ZC3H3: variants seen among roughly 807,000 people sequenced by gnomAD.
ZC3H3 encodes the protein zinc finger CCCH-type containing 3.
Under a neutral mutation model 77.3 loss-of-function variants are expected in ZC3H3, and 36 were observed. That is an observed-to-expected ratio of 0.47 (90% CI 0.36 to 0.61). The LOEUF is 0.61. Among genes scored for constraint, ZC3H3 ranks in the 20% least tolerant of loss-of-function variants. ZC3H3 has a pLI of 0.00. For synonymous variants in ZC3H3, 626 were observed against 555.2 expected (o/e 1.13, Z -1.79); for missense variants, 1,331 against 1,312.2 (o/e 1.01, Z -0.22).
intron 3 of ZC3H3, among the ~76,000 whole-genome samples, chr8:143,509,565 G>A (rs1322193826): frequency 6.6e-6 from 1 of 152,226 alleles, no homozygotes; most frequent in African/African-American, 2.4e-5. Flanking sequence ...CCAGCCTGCA[G>A]CCTGCTTCCC....
intron 8 of ZC3H3, among the ~76,000 whole-genome samples, chr8:143,467,447 C>G (rs923326): frequency 0.38 from 58,382 of 152,106 alleles, 11,422 homozygotes; most frequent in Middle Eastern, 0.44. Context: ...TTCCAAATTG[C>G]TCACAACAGA....
intron 3 of ZC3H3, among the ~76,000 whole-genome samples, chr8:143,511,806 G>A (rs949869205): frequency 1.3e-5 from 2 of 152,226 alleles, no homozygotes; most frequent in Non-Finnish European, 2.9e-5. Context: ...CGGGCCCAGC[G>A]CAAAGACAGC....
At chr8:143,465,639 C>T (rs968487206) in intron 9 of ZC3H3, 78 bp downstream of exon 9, 17 of 1,575,854 alleles carry the variant, frequency 1.1e-5, no homozygotes, top group African/African-American at 9.4e-5. Flanking sequence ...CCAGCCACCA[C>T]GGCAGGTACC....
At chr8:143,449,865 A>G (rs1314850757) in intron 9 of ZC3H3, among the ~76,000 whole-genome samples, 1 of 152,248 alleles carries the variant, frequency 6.6e-6, no homozygotes, top group Non-Finnish European at 1.5e-5. Flanking sequence ...TTGCTAGCAC[A>G]TAACAAAAGT....
At chr8:143,527,161 A>G (rs1236106801) in intron 3 of ZC3H3, among the ~76,000 whole-genome samples, 1 of 152,088 alleles carries the variant, frequency 6.6e-6, no homozygotes, top group Non-Finnish European at 1.5e-5. Flanking sequence ...GCACCCCAAC[A>G]CCCACTGCCT....
chr8:143,443,082 G>A (rs1819787289), intron 9 of ZC3H3, among the ~76,000 whole-genome samples: 1 of 152,074 alleles, frequency 6.6e-6, no homozygotes, highest in Non-Finnish European at 1.5e-5. Flanking sequence ...GAGCAGGCCT[G>A]ACCAACATGG....
At chr8:143,515,941 C>G (rs1296294628) in intron 3 of ZC3H3, among the ~76,000 whole-genome samples, 1 of 152,236 alleles carries the variant, frequency 6.6e-6, no homozygotes, top group African/African-American at 2.4e-5. Context: ...AGGGGTTACC[C>G]ACACTCAGCA....
intron 4 of ZC3H3, among the ~76,000 whole-genome samples, chr8:143,485,101 T>C (rs1821016372): frequency 6.6e-6 from 1 of 152,038 alleles, no homozygotes; most frequent in Non-Finnish European, 1.5e-5. Context: ...CCAGAAACAC[T>C]CTCAAATAAC....
At chr8:143,528,126 A>G (rs1340736995) in intron 3 of ZC3H3, among the ~76,000 whole-genome samples, 1 of 152,054 alleles carries the variant, frequency 6.6e-6, no homozygotes, top group Non-Finnish European at 1.5e-5. Flanking sequence ...ACCCTCCCCC[A>G]CTGCCAAGAC....
chr8:143,538,453 T>C lies in ZC3H3; in HGVS notation c.914A>G (p.Lys305Arg). The change falls in exon 2 of 12, where the codon AAG becomes AGG. Residue 305 changes from lysine to arginine, a missense_variant. Around this residue, in one of 3 missense-constraint regions of ZC3H3, gnomAD observed 978 missense variants for 915.5 expected, o/e 1.07. Transcript: ENST00000262577. ...CCATTTGTAGTTGTTTTTCCGGAAC[T>C]TGTTAGTTCGACAGGTCACAACCAG... is the stretch of plus-strand genomic sequence containing the variant. ...ASLVVTCRTN[K>R]FRKNNYKWVA... is the part of the protein sequence containing the mutation. The C allele has an allele frequency of 1.9e-6, 3 of 1,613,176 alleles. No individual in the cohort carries two copies. The highest frequency in any genetic ancestry group is 2.2e-5 in the East Asian group (1 of 44,886).
intron 4 of ZC3H3, among the ~76,000 whole-genome samples, chr8:143,490,550 C>G (rs1563857367): frequency 1.3e-5 from 2 of 152,234 alleles, no homozygotes; most frequent in East Asian, 3.8e-4. Flanking sequence ...GATACTCAGC[C>G]CAGCCTTGAG....
chr8:143,466,270 G>A (rs185382237), intron 8 of ZC3H3, among the ~76,000 whole-genome samples: 217 of 152,316 alleles, frequency 1.4e-3, no homozygotes, highest in African/African-American at 5.0e-3. Flanking sequence ...ACGAGCCACG[G>A]GCCAGCAGCC....
At chr8:143,541,263 C>T in intron 1 of ZC3H3, 113 bp downstream of exon 1, 1 of 1,557,292 alleles carries the variant, frequency 6.4e-7, no homozygotes, top group Non-Finnish European at 8.7e-7. Context: ...CCACCCCAGC[C>T]GCCACCCAGA....
intron 9 of ZC3H3, among the ~76,000 whole-genome samples, chr8:143,453,227 G>A (rs997704255): frequency 2.0e-5 from 3 of 152,162 alleles, no homozygotes; most frequent in Non-Finnish European, 4.4e-5. Context: ...ACAGGCGCAT[G>A]CCACCATGTG....
chr8:143,486,148 C>T (rs532933284), intron 4 of ZC3H3, among the ~76,000 whole-genome samples: 150 of 152,392 alleles, frequency 9.8e-4, no homozygotes, highest in Admixed American at 2.4e-3. Context: ...GATACCCACC[C>T]ATCAACTGCA....
At chr8:143,454,826 G>A (rs764830530) in intron 9 of ZC3H3, among the ~76,000 whole-genome samples, 12 of 151,982 alleles carry the variant, frequency 7.9e-5, no homozygotes, top group African/African-American at 1.7e-4. Context: ...CTGTATACAC[G>A]ACCTAACATT....
intron 8 of ZC3H3, among the ~76,000 whole-genome samples, chr8:143,466,636 A>G (rs369051): frequency 0.79 from 119,640 of 152,174 alleles, 47,209 homozygotes; most frequent in East Asian, 0.91. Flanking sequence ...CCTGCCCCTC[A>G]TGGGCCACCA....
rs1420043059 is a variant in ZC3H3 at position 143,538,944 on chromosome 8, G to C, written c.423C>G (p.Ala141=). ...CAAATTCTTCCAAAGAGCCCCGCTG[G>C]GCCCCTGAGGCACTGGCAGAGCCAG... ...SKSGSASASG[A]QRGSLEEFEE... is the part of the protein sequence containing the mutation. Residue 141 remains alanine (A), a synonymous_variant, in exon 2 of 12, where the codon GCC becomes GCG. Transcript: ENST00000262577. 1.2e-6 allele frequency: 2 copies of C among 1,613,018 alleles called. No homozygotes were observed. The highest frequency in any genetic ancestry group is 2.2e-5 in the South Asian group (2 of 91,090).
At chr8:143,531,530 A>G (rs1204365115) in intron 3 of ZC3H3, among the ~76,000 whole-genome samples, 5 of 152,238 alleles carry the variant, frequency 3.3e-5, no homozygotes, top group African/African-American at 9.6e-5. Context: ...GCTGCTGAAC[A>G]ATGCACTTTT....
Sources: gnomAD v4.1 joint callset for allele counts (sites outside exome capture counted in the v4.1 genomes callset) on GRCh38, gnomAD v4.1.1 for gene constraint, gnomAD v4.1.1 regional missense constraint, MANE v1.5 for transcripts, NCBI Gene and HGNC (gene_info 2026-07-23, HGNC 2026-07-21) for gene names.